Variants in NDUFV2 observed in about 807,000 individuals in gnomAD.
NDUFV2 encodes NADH dehydrogenase [ubiquinone] flavoprotein 2, mitochondrial.
Under a neutral mutation model 31.6 loss-of-function variants are expected in NDUFV2, and 18 were observed. The observed-to-expected ratio is 0.57, with a 90% CI of 0.39 to 0.84. The LOEUF is 0.84. Ranked by LOEUF, NDUFV2 falls within the 40% of genes least tolerant of loss-of-function variation. The probability of loss-of-function intolerance (pLI) is 0.00; values close to 1 mark genes in which losing one functional copy is unlikely to be tolerated. For missense variants in NDUFV2, 314 were observed against 303.6 expected (o/e 1.03, Z -0.26); for synonymous variants, 83 against 99.8 (o/e 0.83, Z 1.01).
At position 9,126,916 on chromosome 18, in the gene NDUFV2, T is replaced by C. The variant is rs754127174; in HGVS notation, c.656+9T>C. The C allele has an allele frequency of 1.2e-6, 2 of 1,609,370 alleles. No individual in the cohort carries two copies. The highest frequency in any genetic ancestry group is 1.7e-6 in the Non-Finnish European group (2 of 1,175,746). ...CCAAAACCAGGGCCAAGGTATGCTT[T>C]ATTTATATATAGGAAGTTTTAGTGG... is the stretch of plus-strand genomic sequence containing the variant. On this transcript the variant is annotated intron_variant, in intron 7 of 7. Transcript: ENST00000318388.
At chr18:9,126,764 G>A (rs2077994082) in intron 6 of NDUFV2, 67 bp from the exon 7 acceptor site, 3 of 1,394,980 alleles carry the variant, frequency 2.2e-6, no homozygotes, top group South Asian at 2.3e-5. Context: ...GTGAGACCTT[G>A]TCTCTATAAA....
intron 7 of NDUFV2, among the ~76,000 whole-genome samples, chr18:9,133,185 A>C (rs72935233): frequency 0.064 from 9,770 of 152,306 alleles, 338 homozygotes; most frequent in Non-Finnish European, 0.079. Context: ...TAAAGAACAG[A>C]CTTAAAGGAT....
Position 9,124,940 on chromosome 18 carries a change from C to G in NDUFV2, c.536C>G (p.Ala179Gly). 6.2e-7 allele frequency: 1 copy of G among 1,613,320 alleles called. No individual in the cohort carries two copies. The highest frequency in any genetic ancestry group is 2.2e-5 in the East Asian group (1 of 44,824). The change falls in exon 6 of 8, where the codon GCC becomes GGC. Residue 179 changes from alanine (A) to glycine (G), a missense_variant. Transcript: ENST00000318388. ...CTTATAGAAGTGGAATGTTTAGGGGCCTGTGTGAACGCACCAATGGTTCAA... is the reference window on the plus strand; with the variant it reads ...CTTATAGAAGTGGAATGTTTAGGGGGCTGTGTGAACGCACCAATGGTTCAA... Reference protein sequence around the residue: ...FTLIEVECLGACVNAPMVQIN... With the variant: ...FTLIEVECLGGCVNAPMVQIN...
chr18:9,118,073 A>T (rs994284740), intron 2 of NDUFV2, among the ~76,000 whole-genome samples, 170 bp downstream of exon 2: 10 of 152,224 alleles, frequency 6.6e-5, no homozygotes, highest in Non-Finnish European at 1.3e-4. Context: ...TGTTGGTTCC[A>T]GTTGAACCTC....
chr18:9,117,038 C>CTTT (rs11348180), intron 1 of NDUFV2, among the ~76,000 whole-genome samples: 1 of 143,684 alleles, frequency 7.0e-6, no homozygotes. Flanking sequence ...TCTGAAACTA[C>CTTT]TTTTTTTTTT....
chr18:9,134,152 A>G lies in NDUFV2; in HGVS notation c.657-34A>G, dbSNP rs201073561. The G allele has an allele frequency of 7.2e-6, 11 of 1,520,430 alleles. No individual in the cohort carries two copies. In the Admixed American group the frequency reaches 1.8e-4, roughly 25 times the overall value. 94.2% of individuals were successfully genotyped at this position (1,520,430 alleles called of 1,614,324 possible). A position where few individuals can be genotyped will look rare whatever the true frequency, so the allele number is the denominator to read the frequency against. ...TTTAAGTAAAAATTTACAAATGTTA[A>G]TCATTAATAGTTTAATATTACTTTT... is the stretch of plus-strand genomic sequence containing the variant. On this transcript the variant is annotated intron_variant, in intron 7 of 7. Coordinates refer to ENST00000318388, the MANE Select transcript of NDUFV2 (RefSeq NM_021074.5).
intron 1 of NDUFV2, among the ~76,000 whole-genome samples, chr18:9,113,641 G>A (rs781738835): frequency 3.9e-5 from 6 of 152,184 alleles, no homozygotes; most frequent in African/African-American, 7.2e-5. Context: ...CAGATAGCCC[G>A]GTGCCACACC....
At chr18:9,106,898 C>T (rs537440748) in intron 1 of NDUFV2, among the ~76,000 whole-genome samples, 1 of 78,776 alleles carries the variant, frequency 1.3e-5, no homozygotes, top group African/African-American at 3.9e-5. Flanking sequence ...TCTTATATCA[C>T]ATCACTTCGA....
chr18:9,111,739 C>G (rs1465274925), intron 1 of NDUFV2, among the ~76,000 whole-genome samples: 3 of 151,776 alleles, frequency 2.0e-5, no homozygotes, highest in African/African-American at 7.3e-5. Flanking sequence ...TGAAGTACAT[C>G]TTTTAATGCT....
At chr18:9,105,083 C>A in intron 1 of NDUFV2, 6 of 1,196,240 alleles carry the variant, frequency 5.0e-6, no homozygotes, top group Non-Finnish European at 6.6e-6. Context: ...CATAGCATTC[C>A]ATTGTGAGGA....
intron 1 of NDUFV2, among the ~76,000 whole-genome samples, chr18:9,109,008 T>G (rs1490769659): frequency 1.3e-5 from 2 of 152,188 alleles, no homozygotes; most frequent in African/African-American, 4.8e-5. Context: ...TTTTTTTAAA[T>G]GTAAAATTAC....
At chr18:9,126,776 A>C in intron 6 of NDUFV2, 55 bp from the exon 7 acceptor site, 2 of 1,437,142 alleles carry the variant, frequency 1.4e-6, no homozygotes, top group Non-Finnish European at 2.0e-6. Flanking sequence ...CTCTATAAAT[A>C]TATCGATATA....
intron 6 of NDUFV2, chr18:9,126,588 T>G: frequency 2.1e-6 from 1 of 466,116 alleles, no homozygotes; most frequent in Non-Finnish European, 4.0e-6. Flanking sequence ...TCTTGTGAGC[T>G]GAGACAGACA....
rs1260348877 is a variant in NDUFV2, at chr18:9,119,272, C to A, written c.121-54C>A. 6.1e-6 allele frequency: 8 copies of A among 1,317,884 alleles called. No homozygotes were observed. In the Admixed American group the frequency reaches 8.4e-5, roughly 14 times the overall value. The allele number at this position is 1,317,884 out of a possible 1,614,324, so 81.6% of individuals were successfully genotyped here. ...GTAATAGTATAGTAATGTACAGTGT[C>A]ATTCACACTTGAGAGAATTTGGATA... On this transcript the variant is annotated intron_variant, in intron 2 of 7. Transcript: ENST00000318388.
intron 1 of NDUFV2, among the ~76,000 whole-genome samples, chr18:9,108,858 TTTTTGTAC>T (rs2077855285): frequency 6.6e-6 from 1 of 152,038 alleles, no homozygotes; most frequent in Non-Finnish European, 1.5e-5. Context: ...ACCCGGCTAA[TTTTTGTAC>T]TTTTAGTAGA....
At chr18:9,130,544 C>T (rs762223435) in intron 7 of NDUFV2, among the ~76,000 whole-genome samples, 5 of 152,186 alleles carry the variant, frequency 3.3e-5, no homozygotes, top group African/African-American at 4.8e-5. Context: ...CATAGCAATA[C>T]TAGAATGTCT....
chr18:9,122,183 T>A (rs560393406), intron 4 of NDUFV2, among the ~76,000 whole-genome samples: 12 of 152,270 alleles, frequency 7.9e-5, no homozygotes, highest in African/African-American at 2.9e-4. Context: ...GTTGACATGA[T>A]CAAAGTAGAA....
rs1262531003 is a variant in NDUFV2, at chr18:9,129,939, G to A, written c.656+3032G>A. Among the ~76,000 whole-genome samples the A allele has an allele frequency of 2.0e-5, 3 of 152,204 alleles. No homozygotes were observed. The South Asian group carries it at 6.2e-4, about 32-fold the overall frequency. ...TAGATATGTGGGACTAAGGATTTAT[G>A]AGTGATTTTCAGCTTTTTGGCTTGA... On this transcript the variant is annotated intron_variant, in intron 7 of 7. Coordinates refer to ENST00000318388, the MANE Select transcript of NDUFV2 (RefSeq NM_021074.5).
At position 9,117,832 on chromosome 18, in the gene NDUFV2, T is replaced by G; in HGVS notation, c.55-6T>G. 1 of 1,572,622 alleles carries G rather than the reference T, an allele frequency of 6.4e-7. No individual in the cohort carries two copies. Among genetic ancestry groups the G allele is most frequent in the Non-Finnish European group, 8.7e-7 (1 of 1,143,462 alleles). Reference sequence around the variant, plus strand: ...TACTAAACTTTCTTAAAATTTTAAATTTTAGGGAAGACATGTAAGGAATTT... The same window carrying G: ...TACTAAACTTTCTTAAAATTTTAAAGTTTAGGGAAGACATGTAAGGAATTT... On this transcript the variant is annotated splice_region_variant and splice_polypyrimidine_tract_variant and intron_variant, in intron 1 of 7. Transcript: ENST00000318388.
Sources: gnomAD v4.1 joint callset for allele counts (sites outside exome capture counted in the v4.1 genomes callset) on GRCh38, gnomAD v4.1.1 for gene constraint, MANE v1.5 for transcripts, NCBI Gene and HGNC (gene_info 2026-07-23, HGNC 2026-07-21) for gene names.